Variants in COL3A1 observed in about 807,000 individuals in gnomAD.
COL3A1 encodes the protein collagen alpha-1(III) chain.
Under a neutral mutation model 200.9 loss-of-function variants are expected in COL3A1, and 46 were observed. The observed-to-expected ratio is 0.23, with a 90% confidence interval of 0.18 to 0.29. COL3A1 has a LOEUF of 0.29. Ranked by LOEUF, COL3A1 falls within the 10% of genes least tolerant of loss-of-function variation. The probability of loss-of-function intolerance (pLI) is 1.00; values close to 1 mark genes in which losing one functional copy is unlikely to be tolerated. For missense variants in COL3A1, 1,367 were observed against 1,917.6 expected, an observed-to-expected ratio of 0.71 and a Z score of 5.36; for synonymous variants, 650 against 628.0, an observed-to-expected ratio of 1.03 and a Z score of -0.52.
chr2:188,990,075 A>G, intron 8 of COL3A1, 21 bp from the exon 9 acceptor site: 1 of 1,612,296 alleles, frequency 6.2e-7, no homozygotes, highest in Non-Finnish European at 8.5e-7. Context: ...GCACCTACGT[A>G]TTCTTTATTT....
Position 188,994,204 on chromosome 2 carries a change from G to T in COL3A1, c.1195-30G>T. 6.2e-7 allele frequency: 1 copy of T among 1,612,700 alleles called. No individual in the cohort carries two copies. Among genetic ancestry groups the T allele is most frequent in the Non-Finnish European group, 8.5e-7 (1 of 1,178,728 alleles). On this transcript the variant is annotated intron_variant, in intron 17 of 50. Coordinates refer to ENST00000304636, the MANE Select transcript of COL3A1 (RefSeq NM_000090.4). This position sits in a 1 kb window ranked among gnomAD's most constrained non-coding sequence, Gnocchi z 4.5. Reference sequence around the variant, plus strand: ...ATTCATAAAAGAACATTCAAGTTCGGCTAATATAGTGTCTTTGGTTTGTTC... The same window carrying T: ...ATTCATAAAAGAACATTCAAGTTCGTCTAATATAGTGTCTTTGGTTTGTTC...
At chr2:188,997,082 T>C in intron 24 of COL3A1, 83 bp from the exon 25 acceptor site, 1 of 930,752 alleles carries the variant, frequency 1.1e-6, no homozygotes, top group South Asian at 1.3e-5. Context: ...GACATATATA[T>C]ATGAGACATA....
intron 14 of COL3A1, 116 bp downstream of exon 14, chr2:188,992,344 T>TA: frequency 1.1e-6 from 1 of 894,146 alleles, no homozygotes; most frequent in Non-Finnish European, 1.8e-6. Context: ...CATATGTATA[T>TA]CTCTAATATA....
intron 35 of COL3A1, 79 bp from the exon 36 acceptor site, chr2:189,002,876 A>G (rs1688497745): frequency 9.1e-7 from 1 of 1,100,832 alleles, no homozygotes; most frequent in Non-Finnish European, 1.4e-6. Context: ...AGAATTCTAT[A>G]TTCTGAAGAG....
At chr2:189,002,913 A>G (rs368045163) in intron 35 of COL3A1, 42 bp from the exon 36 acceptor site, 4 of 1,342,000 alleles carry the variant, frequency 3.0e-6, no homozygotes, top group East Asian at 2.5e-5. Context: ...ATTGTATCAT[A>G]AAGAGTGTCA....
At chr2:188,982,053 CT>C (rs539051688) in intron 1 of COL3A1, among the ~76,000 whole-genome samples, 3 of 151,384 alleles carry the variant, frequency 2.0e-5, no homozygotes, top group African/African-American at 7.2e-5. Context: ...TTCCAACTCT[CT>C]TTTTTTTACT....
chr2:188,979,374 C>A lies in COL3A1; in HGVS notation c.79+4806C>A, dbSNP rs191522346. On this transcript the variant is annotated intron_variant, in intron 1 of 50. Transcript: ENST00000304636. ...TATATTAACATGAATCATTTAGTAACTATATTTTCTGAAAAACAGTGTGTT... is the reference window on the plus strand; with the variant it reads ...TATATTAACATGAATCATTTAGTAAATATATTTTCTGAAAAACAGTGTGTT... Among the ~76,000 whole-genome samples, 31 of 152,008 alleles carry A rather than the reference C, an allele frequency of 2.0e-4. No homozygotes were observed. The East Asian group carries it at 4.8e-3, about 24-fold the overall frequency.
At chr2:188,997,798 A>AT (rs748825677) in intron 27 of COL3A1, 45 bp downstream of exon 27, 18 of 1,549,342 alleles carry the variant, frequency 1.2e-5, no homozygotes, top group Non-Finnish European at 1.5e-5. Flanking sequence ...TGACTGTCAA[A>AT]TTTTTTTGTG....
chr2:189,005,954 A>T (rs1394908246), intron 41 of COL3A1, among the ~76,000 whole-genome samples: 1 of 152,172 alleles, frequency 6.6e-6, no homozygotes, highest in Non-Finnish European at 1.5e-5. Context: ...ACTTTTATTT[A>T]TTAGAGGTCT....
chr2:188,999,412 G>T (rs202066482), intron 30 of COL3A1, 29 bp downstream of exon 30: 1 of 1,613,670 alleles, frequency 6.2e-7, no homozygotes, highest in Non-Finnish European at 8.5e-7. Context: ...ATTCACCTAG[G>T]TTTAAAAAAT....
chr2:188,975,500 T>C (rs1162829737), intron 1 of COL3A1, among the ~76,000 whole-genome samples: 1 of 152,144 alleles, frequency 6.6e-6, no homozygotes, highest in Non-Finnish European at 1.5e-5. Context: ...TCCATAGAAA[T>C]AAATATTTAA....
At chr2:189,008,864 T>A in intron 47 of COL3A1, 60 bp from the exon 48 acceptor site, 1 of 1,517,628 alleles carries the variant, frequency 6.6e-7, no homozygotes, top group Non-Finnish European at 9.1e-7. Flanking sequence ...ACTAGCAATG[T>A]ATTCTTAGAG....
intron 15 of COL3A1, 76 bp from the exon 16 acceptor site, chr2:188,993,285 A>C: frequency 8.0e-7 from 1 of 1,251,226 alleles, no homozygotes; most frequent in Non-Finnish European, 1.1e-6. Flanking sequence ...GATGTGTTTA[A>C]ACAGGACTGA....
rs1157034836 is a variant in COL3A1 at position 189,012,167 on chromosome 2, C to G, written c.*393C>G. 1 of 188,266 alleles carries G rather than the reference C, an allele frequency of 5.3e-6. No homozygotes were observed. 11.7% of individuals were successfully genotyped at this position (188,266 alleles called of 1,614,324 possible). ...ATAGTCAAATACGAAATTAGAAAAG[C>G]CCTCCCTATTTTAACTACCTCAACT... is the stretch of plus-strand genomic sequence containing the variant. On this transcript the variant is annotated 3_prime_UTR_variant, in exon 51 of 51. Coordinates refer to ENST00000304636, the MANE Select transcript of COL3A1 (RefSeq NM_000090.4).
chr2:189,010,663 C>A lies in COL3A1; in HGVS notation c.4027C>A (p.Pro1343Thr). Residue 1343 changes from proline to threonine, a missense_variant, in exon 50 of 51, where the codon CCT (proline) becomes ACT (threonine). Physicochemically the swap from Pro to Thr is conservative, Grantham distance 38. This residue lies in a region of COL3A1 where 846 missense variants were observed against 1,147.9 expected (regional missense o/e 0.74). Transcript: ENST00000304636. ...DGGFQFSYGNPELPEDVLDVH... is the reference protein window; with the variant it reads ...DGGFQFSYGNTELPEDVLDVH... Reference sequence around the variant, plus strand: ...CCTATTACAGTTTAGCTACGGCAATCCTGAACTTCCTGAAGATGTCCTTGA... The same window carrying A: ...CCTATTACAGTTTAGCTACGGCAATACTGAACTTCCTGAAGATGTCCTTGA... 1 of 1,614,144 alleles carries A rather than the reference C, an allele frequency of 6.2e-7. No individual in the cohort carries two copies. Among genetic ancestry groups the A allele is most frequent in the Non-Finnish European group, 8.5e-7 (1 of 1,179,986 alleles).
rs1275549822 is a variant in COL3A1 at position 189,009,022 on chromosome 2, T to C, written c.3624T>C (p.Ile1208=). The C allele has an allele frequency of 6.2e-7, 1 of 1,614,064 alleles. No homozygotes were observed. Among genetic ancestry groups the C allele is most frequent in the African/African-American group, 1.3e-5 (1 of 74,914 alleles). The change falls in exon 48 of 51, where the codon ATT becomes ATC. Residue 1208 remains isoleucine, a synonymous_variant. Coordinates refer to ENST00000304636, the MANE Select transcript of COL3A1 (RefSeq NM_000090.4). ...GGVGAAAIAG[I]GGEKAGGFAP... is the part of the protein sequence containing the mutation. ...TTGGAGCCGCTGCCATTGCTGGGAT[T>C]GGAGGTGAAAAAGCTGGCGGTTTTG...
rs1688256734 is a variant in COL3A1 at position 188,994,468 on chromosome 2, A to G, written c.1294-73A>G. 6.3e-7 allele frequency: 1 copy of G among 1,577,286 alleles called. No homozygotes were observed. Among genetic ancestry groups the G allele is most frequent in the East Asian group, 2.2e-5 (1 of 44,698 alleles). ...CTCTTGTCTTATAACTTATAACTGA[A>G]TTATGTGTTACTGGTGATGATTTGT... On this transcript the variant is annotated intron_variant, in intron 18 of 50. Transcript: ENST00000304636. This position sits in a 1 kb window ranked among gnomAD's most constrained non-coding sequence, Gnocchi z 4.5.
At position 189,002,479 on chromosome 2, in the gene COL3A1, G is replaced by A. The variant is rs3106801; in HGVS notation, c.2445+128G>A. 0.42 allele frequency: 341,432 copies of A among 807,278 alleles called. 77,680 individuals carry two copies. Among genetic ancestry groups the A allele is most frequent in the East Asian group, 0.58 (21,955 of 37,876 alleles). 50.0% of individuals were successfully genotyped at this position (807,278 alleles called of 1,614,324 possible). On this transcript the variant is annotated intron_variant, in intron 35 of 50. Coordinates refer to ENST00000304636, the MANE Select transcript of COL3A1 (RefSeq NM_000090.4). ...GCTGCTCATTCCCTATAGGATTATT[G>A]TACCCCTATTTTGTTTTACTTTACC...
intron 1 of COL3A1, among the ~76,000 whole-genome samples, chr2:188,982,914 G>A (rs1218525930): frequency 1.3e-5 from 2 of 151,652 alleles, no homozygotes; most frequent in East Asian, 1.9e-4. Context: ...AATATGAAAC[G>A]CCAGTTCTGT....
Sources: allele counts gnomAD v4.1 joint callset (sites outside exome capture counted in the v4.1 genomes callset), GRCh38; gene constraint gnomAD v4.1.1; regional missense constraint gnomAD v4.1.1; non-coding constraint Gnocchi (gnomAD v3.1); transcripts MANE v1.5; gene names NCBI Gene and HGNC (gene_info 2026-07-23, HGNC 2026-07-21).